AKAP6: variants seen among roughly 807,000 people sequenced by gnomAD.
AKAP6 encodes A-kinase anchor protein 6.
In AKAP6, 58 loss-of-function variants were observed where a neutral mutation model predicts 188.5. The ratio of observed to expected loss-of-function variants is 0.31; its 90% CI spans 0.25 to 0.38. The LOEUF (loss-of-function observed/expected upper bound fraction) is 0.38, where lower values mean the gene tolerates loss of function less well. Ranked by LOEUF, AKAP6 falls within the 10% of genes least tolerant of loss-of-function variation. AKAP6 has a pLI of 1.00. For synonymous variants in AKAP6, 989 were observed against 998.6 expected, an observed-to-expected ratio of 0.99 and a Z score of 0.18; for missense variants, 2,710 against 2,740.0, an observed-to-expected ratio of 0.99 and a Z score of 0.24.
chr14:32,616,080 A>G (rs1265672663), intron 7 of AKAP6, among the ~76,000 whole-genome samples: 2 of 152,320 alleles, frequency 1.3e-5, no homozygotes, highest in East Asian at 3.9e-4. Context: ...TTATTAGCCA[A>G]TTATTAAAAA....
At chr14:32,513,119 A>G (rs1034477598) in intron 2 of AKAP6, among the ~76,000 whole-genome samples, 1 of 152,116 alleles carries the variant, frequency 6.6e-6, no homozygotes, top group Non-Finnish European at 1.5e-5. Context: ...GGTAAACAAG[A>G]TCTTGCTTTG....
At chr14:32,734,809 T>C (rs991438362) in intron 10 of AKAP6, among the ~76,000 whole-genome samples, 3 of 152,154 alleles carry the variant, frequency 2.0e-5, no homozygotes, top group Non-Finnish European at 4.4e-5. Context: ...ACACACCAGA[T>C]GAATGTTTGT....
chr14:32,600,435 T>C (rs997368272), intron 6 of AKAP6, among the ~76,000 whole-genome samples, 194 bp from the exon 7 acceptor site: 3 of 152,250 alleles, frequency 2.0e-5, no homozygotes, highest in African/African-American at 7.2e-5. Flanking sequence ...TATCACATTT[T>C]TGTGTCCTTA....
At chr14:32,629,815 C>T (rs1887184745) in intron 7 of AKAP6, among the ~76,000 whole-genome samples, 1 of 150,940 alleles carries the variant, frequency 6.6e-6, no homozygotes, top group South Asian at 2.1e-4. Flanking sequence ...TGGCTCATGC[C>T]TGTAATCTGA....
intron 1 of AKAP6, among the ~76,000 whole-genome samples, chr14:32,421,227 A>G (rs1889838683): frequency 6.6e-6 from 1 of 151,862 alleles, no homozygotes; most frequent in Admixed American, 6.6e-5. Context: ...AAATTTGGCA[A>G]CTCATGTCCT....
intron 1 of AKAP6, among the ~76,000 whole-genome samples, chr14:32,335,380 C>T (rs1333131789): frequency 6.6e-6 from 1 of 152,094 alleles, no homozygotes; most frequent in East Asian, 1.9e-4. Context: ...CCTTTTGGTG[C>T]CCCCACTGAT....
At chr14:32,381,166 G>A (rs1470226128) in intron 1 of AKAP6, among the ~76,000 whole-genome samples, 3 of 152,166 alleles carry the variant, frequency 2.0e-5, no homozygotes, top group Admixed American at 2.0e-4. Flanking sequence ...GTGAAACCCT[G>A]TCTCTACTAA....
chr14:32,391,245 T>A (rs958278760), intron 1 of AKAP6, among the ~76,000 whole-genome samples: 4 of 152,226 alleles, frequency 2.6e-5, no homozygotes, highest in Non-Finnish European at 5.9e-5. Flanking sequence ...TAGTGCCTCC[T>A]GATTTGGAAG....
At position 32,769,919 on chromosome 14, in the gene AKAP6, A is replaced by G. The variant is rs1209547723; in HGVS notation, c.3373-3759A>G. ...TGTGTATACAAGTAAATATAAGTAA[A>G]TATCTATCTGTTTGCATATATGCAC... is the stretch of plus-strand genomic sequence containing the variant. On this transcript the variant is annotated intron_variant, in intron 11 of 13. Transcript: ENST00000280979. Among the ~76,000 whole-genome samples the G allele has an allele frequency of 3.3e-5, 5 of 152,196 alleles. No homozygotes were observed. The East Asian group carries it at 9.6e-4, about 29-fold the overall frequency.
chr14:32,822,921 A>C lies in AKAP6; in HGVS notation c.5108A>C (p.Asp1703Ala), dbSNP rs769132686. 5 of 1,613,786 alleles carry C rather than the reference A, an allele frequency of 3.1e-6. No individual in the cohort carries two copies. In the Admixed American group the frequency reaches 5.0e-5, roughly 16 times the overall value. ...SSDELSLCSE[D>A]IVLHKNKIPE... ...GACGAGCTCTCTCTTTGCTCAGAGG[A>C]TATTGTGTTACACAAGAACAAGATC... Residue 1703 changes from aspartate (D) to alanine (A), a missense_variant, in exon 13 of 14, where the codon GAT (aspartate) becomes GCT (alanine). Physicochemically the swap from Asp to Ala is moderately radical, Grantham distance 126 (BLOSUM62 -2). This residue lies in a region of AKAP6 where 2,473 missense variants were observed against 2,426.1 expected (regional missense o/e 1.02). Transcript: ENST00000280979.
At chr14:32,446,786 A>G (rs968288803) in intron 2 of AKAP6, among the ~76,000 whole-genome samples, 1 of 152,174 alleles carries the variant, frequency 6.6e-6, no homozygotes, top group East Asian at 1.9e-4. Context: ...GGTTTCCAGA[A>G]CAAGTTTATT....
At chr14:32,356,423 G>A (rs541961574) in intron 1 of AKAP6, among the ~76,000 whole-genome samples, 17 of 152,182 alleles carry the variant, frequency 1.1e-4, no homozygotes, top group East Asian at 1.9e-4. Context: ...CTACACCTGC[G>A]TTTGCTTCTT....
chr14:32,753,549 T>A (rs545865956), intron 11 of AKAP6, among the ~76,000 whole-genome samples: 1 of 152,156 alleles, frequency 6.6e-6, no homozygotes, highest in Non-Finnish European at 1.5e-5. Flanking sequence ...TCTGTTTTTG[T>A]TTCTTGTGTT....
chr14:32,633,960 C>G (rs1044148486), intron 7 of AKAP6, among the ~76,000 whole-genome samples: 1 of 152,072 alleles, frequency 6.6e-6, no homozygotes, highest in East Asian at 1.9e-4. Flanking sequence ...TGAAACTTGT[C>G]TATTTCCAAG....
intron 7 of AKAP6, among the ~76,000 whole-genome samples, chr14:32,614,517 A>G (rs1486964502): frequency 6.6e-6 from 1 of 152,226 alleles, no homozygotes; most frequent in African/African-American, 2.4e-5. Context: ...TAGGAAGTAC[A>G]GATATACTTC....
chr14:32,586,012 A>G (rs1885226313), intron 5 of AKAP6, among the ~76,000 whole-genome samples: 1 of 152,178 alleles, frequency 6.6e-6, no homozygotes. Flanking sequence ...TTAAAACAGG[A>G]GAACGACATG....
intron 1 of AKAP6, among the ~76,000 whole-genome samples, chr14:32,399,754 T>C (rs1005422165): frequency 6.6e-6 from 1 of 152,294 alleles, no homozygotes; most frequent in South Asian, 2.1e-4. Flanking sequence ...GGTTCTTTTT[T>C]AAAAATAGTA....
chr14:32,691,463 T>G (rs1325231616), intron 8 of AKAP6, among the ~76,000 whole-genome samples: 1 of 152,208 alleles, frequency 6.6e-6, no homozygotes, highest in Non-Finnish European at 1.5e-5. Context: ...CTTTCCTTAC[T>G]TAAGAAGTTT....
chr14:32,666,279 T>A (rs1888930371), intron 7 of AKAP6, among the ~76,000 whole-genome samples: 2 of 152,118 alleles, frequency 1.3e-5, no homozygotes, highest in Non-Finnish European at 2.9e-5. Context: ...GGCTCACATC[T>A]CAGTATAATA....
Sources: gnomAD v4.1 joint callset for allele counts (sites outside exome capture counted in the v4.1 genomes callset) on GRCh38, gnomAD v4.1.1 for gene constraint, gnomAD v4.1.1 regional missense constraint, MANE v1.5 for transcripts, NCBI Gene and HGNC (gene_info 2026-07-23, HGNC 2026-07-21) for gene names.